The following ADAMTS9 variants were observed in gnomAD, a reference collection of about 807,000 sequenced individuals.
ADAMTS9 encodes A disintegrin and metalloproteinase with thrombospondin motifs 9.
In ADAMTS9, 107 loss-of-function variants were observed where a neutral mutation model predicts 257.1. That is an observed-to-expected ratio of 0.42 (90% CI 0.36 to 0.49). ADAMTS9 has a LOEUF of 0.49. Among genes scored for constraint, ADAMTS9 ranks in the 20% least tolerant of loss-of-function variants. ADAMTS9 has a pLI of 0.03. For synonymous variants in ADAMTS9, 982 were observed against 880.9 expected (o/e 1.11, Z -2.03); for missense variants, 2,353 against 2,469.1 (o/e 0.95, Z 1.00).
chr3:64,517,415 G>A (rs543959779), intron 39 of ADAMTS9, among the ~76,000 whole-genome samples: 1 of 11,544 alleles, frequency 8.7e-5, no homozygotes, highest in Non-Finnish European at 3.0e-4. Context: ...AATTAAAAAT[G>A]GTTTTTTTTT....
rs748187996 is a variant in ADAMTS9, at chr3:64,539,224, G to A, written c.5592C>T (p.Tyr1864=). 8 of 1,613,972 alleles carry A rather than the reference G, an allele frequency of 5.0e-6. No homozygotes were observed. The highest frequency in any genetic ancestry group is 6.8e-6 in the Non-Finnish European group (8 of 1,179,862). The stretch of plus-strand genomic sequence containing the variant: ...ATACCTGTGGGCACTTGGCAGCGCT[G>A]TAGCAATCCCCGGCTGTGGCAAAAG... ...PVPFATAGDC[Y]SAAKCPQGRF... The change falls in exon 37 of 40, where the codon TAC becomes TAT. Residue 1864 remains tyrosine (Y), a synonymous_variant. Transcript: ENST00000498707.
chr3:64,671,135 C>T (rs768204276), intron 3 of ADAMTS9, among the ~76,000 whole-genome samples: 7 of 152,122 alleles, frequency 4.6e-5, no homozygotes, highest in Non-Finnish European at 1.0e-4. Context: ...AACTGTCGCT[C>T]AAGTGGGTAA....
chr3:64,563,203 T>G (rs2106655830), intron 29 of ADAMTS9: 1 of 152,316 alleles, frequency 6.6e-6, no homozygotes, highest in African/African-American at 2.4e-5. Context: ...TCATTAGAGC[T>G]ACATGAATAA....
chr3:64,561,029 C>G (rs771677835), intron 30 of ADAMTS9, among the ~76,000 whole-genome samples: 1 of 151,038 alleles, frequency 6.6e-6, no homozygotes, highest in Non-Finnish European at 1.5e-5. Context: ...CACTTCTGCA[C>G]GGACCATCAA....
chr3:64,631,376 G>A (rs1700363584), intron 16 of ADAMTS9, 79 bp downstream of exon 16: 4 of 1,147,204 alleles, frequency 3.5e-6, no homozygotes, highest in Admixed American at 1.8e-5. Flanking sequence ...GCCTCTGCAT[G>A]CCAGAGAAGG....
At chr3:64,525,703 C>A (rs906682002) in intron 38 of ADAMTS9, among the ~76,000 whole-genome samples, 1 of 151,836 alleles carries the variant, frequency 6.6e-6, no homozygotes, top group Admixed American at 6.6e-5. Context: ...CTCCACCTCC[C>A]GGGTTCAAGC....
At chr3:64,547,022 C>T (rs1236467325) in intron 31 of ADAMTS9, 70 bp from the exon 32 acceptor site, 2 of 1,367,604 alleles carry the variant, frequency 1.5e-6, no homozygotes, top group East Asian at 2.3e-5. Flanking sequence ...GGCCCCTGAC[C>T]TCCACACCAA....
intron 38 of ADAMTS9, 90 bp from the exon 39 acceptor site, chr3:64,522,350 C>A: frequency 9.0e-7 from 1 of 1,111,248 alleles, no homozygotes; most frequent in Non-Finnish European, 1.4e-6. Flanking sequence ...CTTATACACA[C>A]AGTAAACAGG....
At chr3:64,637,328 T>TA in intron 12 of ADAMTS9, among the ~76,000 whole-genome samples, 1 of 152,300 alleles carries the variant, frequency 6.6e-6, no homozygotes, top group African/African-American at 2.4e-5. Flanking sequence ...AACATAGCTT[T>TA]AAAAAATAGT....
chr3:64,631,505 T>G lies in ADAMTS9; in HGVS notation c.2339A>C (p.Asp780Ala), dbSNP rs1250724852. 1 of 1,614,114 alleles carries G rather than the reference T, an allele frequency of 6.2e-7. No homozygotes were observed. Among genetic ancestry groups the G allele is most frequent in the East Asian group, 2.2e-5 (1 of 44,874 alleles). The change falls in exon 16 of 40, where the codon GAT becomes GCT. Residue 780 changes from aspartate (D) to alanine (A), a missense_variant. By Grantham distance (126) the Asp-to-Ala change is moderately radical. Transcript: ENST00000498707. The part of the protein sequence containing the change: ...VRIPAGATNI[D>A]VRQHSFSGET... Reference sequence around the variant, plus strand: ...CCCTGAGAAACTGTGCTGCCGCACATCAATATTGGTAGCACCAGCTGGAAT... The same window carrying G: ...CCCTGAGAAACTGTGCTGCCGCACAGCAATATTGGTAGCACCAGCTGGAAT...
rs755480110 is a variant in ADAMTS9 at position 64,517,416 on chromosome 3, G to GTTTTTTTTTTTTTTTTTTTTT, written c.*6-316_*6-296dup. ...CATCAAGCCCAGCTAATTAAAAATG[G>GTTTTTTTTTTTTTTTTTTTTT]TTTTTTTTTTTTTTTTTTTTTTTGC... On this transcript the variant is annotated intron_variant, in intron 39 of 39. Transcript: ENST00000498707. 6.9e-3 allele frequency among the ~76,000 whole-genome samples: 365 copies of GTTTTTTTTTTTTTTTTTTTTT among 52,664 alleles called. 127 individuals are homozygous for GTTTTTTTTTTTTTTTTTTTTT. Among genetic ancestry groups the GTTTTTTTTTTTTTTTTTTTTT allele is most frequent in the Non-Finnish European group, 0.01 (271 of 26,244 alleles). 34.5% of individuals were successfully genotyped at this position (52,664 alleles called of 152,430 possible).
At chr3:64,664,210 G>A (rs1400648216) in intron 3 of ADAMTS9, among the ~76,000 whole-genome samples, 1 of 152,134 alleles carries the variant, frequency 6.6e-6, no homozygotes, top group African/African-American at 2.4e-5. Flanking sequence ...AAAATGGTCT[G>A]TGTATTCTTG....
rs1235778864 is a variant in ADAMTS9, at chr3:64,622,508, C to T, written c.2468G>A (p.Gly823Glu). The change falls in exon 17 of 40, where the codon GGG becomes GAG. Residue 823 changes from glycine (G) to glutamate (E), a missense_variant. Transcript: ENST00000498707. ...CCCACTGTACTCTACCACAGCATTC[C>T]CAATGCGAATTTCCCTTTTGGCCAT... ...VTMAKREIRIGNAVVEYSGSE... is the reference protein window; with the variant it reads ...VTMAKREIRIENAVVEYSGSE... 1 of 1,613,946 alleles carries T rather than the reference C, an allele frequency of 6.2e-7. No individual in the cohort carries two copies. Among genetic ancestry groups the T allele is most frequent in the African/African-American group, 1.3e-5 (1 of 74,888 alleles).
intron 28 of ADAMTS9, chr3:64,587,323 TC>T (rs749149221): frequency 6.6e-6 from 1 of 152,226 alleles, no homozygotes; most frequent in Non-Finnish European, 1.5e-5. Flanking sequence ...ATACGGTTTT[TC>T]TCCCCAATTT....
At chr3:64,574,948 T>C (rs1424068600) in intron 28 of ADAMTS9, among the ~76,000 whole-genome samples, 3 of 152,226 alleles carry the variant, frequency 2.0e-5, no homozygotes. Context: ...GCTCTGACTT[T>C]AATGCCTTTT....
intron 14 of ADAMTS9, among the ~76,000 whole-genome samples, chr3:64,633,233 A>G (rs1700412171): frequency 6.6e-6 from 1 of 152,002 alleles, no homozygotes; most frequent in South Asian, 2.1e-4. Flanking sequence ...TTTGTGCAAG[A>G]CCCCCACAGA....
intron 37 of ADAMTS9, among the ~76,000 whole-genome samples, chr3:64,535,552 C>CTTTTTTTT (rs57945713): frequency 1.2e-5 from 1 of 84,682 alleles, no homozygotes; most frequent in African/African-American, 4.0e-5. Context: ...CTTTTCTTTT[C>CTTTTTTTT]TTTTTTTTTT....
chr3:64,568,669 GATA>G (rs2083602214), intron 28 of ADAMTS9, 134 bp from the exon 29 acceptor site: 1 of 1,046,420 alleles, frequency 9.6e-7, no homozygotes, highest in Admixed American at 2.6e-5. Flanking sequence ...CGCCAGTTTG[GATA>G]ATATCTCAAG....
At chr3:64,642,963 C>T (rs1368489869) in intron 11 of ADAMTS9, among the ~76,000 whole-genome samples, 4 of 152,080 alleles carry the variant, frequency 2.6e-5, no homozygotes, top group Admixed American at 6.6e-5. Flanking sequence ...GCAGGCCCCA[C>T]CCCCACACAA....
Sources: allele counts gnomAD v4.1 joint callset (sites outside exome capture counted in the v4.1 genomes callset), GRCh38; gene constraint gnomAD v4.1.1; transcripts MANE v1.5; gene names NCBI Gene and HGNC (gene_info 2026-07-23, HGNC 2026-07-21).